Variants in TESK2 observed in about 807,000 individuals in gnomAD.
The protein encoded by TESK2 is dual specificity testis-specific protein kinase 2.
A neutral mutation model predicts 57.1 loss-of-function variants in TESK2; 39 were observed. The observed-to-expected ratio is 0.68, with a 90% CI of 0.53 to 0.89. The LOEUF (loss-of-function observed/expected upper bound fraction) is 0.89. Ranked by LOEUF, TESK2 falls within the 40% of genes least tolerant of loss-of-function variation. The pLI, the probability that TESK2 is intolerant of heterozygous loss-of-function variation, is 0.00. For synonymous variants in TESK2, 249 were observed against 267.9 expected (o/e 0.93, Z 0.69); for missense variants, 646 against 732.1 (o/e 0.88, Z 1.36).
rs749729845 is a variant in TESK2, at chr1:45,347,577, G to A, written c.708+32C>T. 71 of 1,586,690 alleles carry A rather than the reference G, an allele frequency of 4.5e-5. No homozygotes were observed. The South Asian group carries it at 7.3e-4, about 16-fold the overall frequency. ...CTCAAAAAAAAGAAAAAGAAAAAAG[G>A]AGAATCAGGCCTTGAGATCCTCCAA... On this transcript the variant is annotated intron_variant, in intron 7 of 10. Coordinates refer to ENST00000372086, the MANE Select transcript of TESK2 (RefSeq NM_007170.3).
chr1:45,402,690 C>G (rs1649677637), intron 3 of TESK2, among the ~76,000 whole-genome samples: 1 of 151,938 alleles, frequency 6.6e-6, no homozygotes, highest in Non-Finnish European at 1.5e-5. Context: ...CCATGTTGGT[C>G]AGGCTAGTCT....
At chr1:45,490,188 A>C (rs1175225739) in intron 1 of TESK2, among the ~76,000 whole-genome samples, 1 of 152,242 alleles carries the variant, frequency 6.6e-6, no homozygotes, top group Non-Finnish European at 1.5e-5. Context: ...CTCCCCATGC[A>C]TGCAGCATGA....
chr1:45,436,527 T>C (rs796571233), intron 2 of TESK2, among the ~76,000 whole-genome samples: 35 of 134,626 alleles, frequency 2.6e-4, no homozygotes, highest in African/African-American at 9.3e-4. Context: ...TTCACTCTTG[T>C]TGCCCAGGCT....
Position 45,457,663 on chromosome 1 carries a change from A to G in TESK2, c.123T>C (p.Ser41=). The change falls in exon 2 of 11, where the codon TCT becomes TCC. Residue 41 remains serine, a synonymous_variant. Coordinates refer to ENST00000372086, the MANE Select transcript of TESK2 (RefSeq NM_007170.3). ...NVSQVGRVWP[S]SYRALISAFS... ...AGGCACTTATAAGAGCTCGATACGA[A>G]GATGGCCAAACTCTTCCCACCTGGC... The G allele has an allele frequency of 6.2e-7, 1 of 1,614,158 alleles. No homozygotes were observed. The highest frequency in any genetic ancestry group is 8.5e-7 in the Non-Finnish European group (1 of 1,180,022).
At chr1:45,398,329 G>T (rs1339466885) in intron 3 of TESK2, among the ~76,000 whole-genome samples, 3 of 151,982 alleles carry the variant, frequency 2.0e-5, no homozygotes, top group Non-Finnish European at 4.4e-5. Context: ...ATCACTTGAG[G>T]TCAAGGGTTC....
chr1:45,457,512 A>G lies in TESK2; in HGVS notation c.222+52T>C, dbSNP rs1652154672. The stretch of plus-strand genomic sequence containing the variant: ...TAATTAAACACAACTATCAACCTGC[A>G]GTAAATGTGACCACAGCAAGACAAT... On this transcript the variant is annotated intron_variant, in intron 2 of 10. Coordinates refer to ENST00000372086, the MANE Select transcript of TESK2 (RefSeq NM_007170.3). 14 of 1,518,722 alleles carry G rather than the reference A, an allele frequency of 9.2e-6. No individual in the cohort carries two copies. In the South Asian group the frequency reaches 1.6e-4, roughly 17 times the overall value. 94.1% of individuals were successfully genotyped at this position (1,518,722 alleles called of 1,614,324 possible).
Position 45,345,682 on chromosome 1 carries a change from A to G in TESK2, c.998-124T>C, listed in dbSNP as rs943238001. The G allele has an allele frequency of 3.2e-5, 33 of 1,026,524 alleles. No individual in the cohort carries two copies. In the Admixed American group the frequency reaches 5.2e-4, roughly 16 times the overall value. The allele number at this position is 1,026,524 out of a possible 1,614,324, so 63.6% of individuals were successfully genotyped here. ...CCATGGCCCTGTTTTACCAATGAAG[A>G]AACAGACTCAGAGAGGGGAAGCAGT... On this transcript the variant is annotated intron_variant, in intron 10 of 10. Transcript: ENST00000372086.
At chr1:45,421,547 A>G (rs1211950014) in intron 3 of TESK2, among the ~76,000 whole-genome samples, 178 bp downstream of exon 3, 1 of 152,192 alleles carries the variant, frequency 6.6e-6, no homozygotes, top group African/African-American at 2.4e-5. Flanking sequence ...AATGCAGTTA[A>G]TTACCAATAA....
chr1:45,486,279 C>T (rs887204092), intron 1 of TESK2, among the ~76,000 whole-genome samples: 3 of 152,090 alleles, frequency 2.0e-5, no homozygotes, highest in Admixed American at 6.6e-5. Context: ...ATGCCTTTAC[C>T]ATAGGTTTCA....
At chr1:45,384,675 G>A (rs1648821458) in intron 4 of TESK2, among the ~76,000 whole-genome samples, 2 of 130,948 alleles carry the variant, frequency 1.5e-5, no homozygotes, top group South Asian at 4.8e-4. Context: ...CGAAATCCTG[G>A]TCTTAGGTAA....
At chr1:45,412,294 G>A (rs1450455702) in intron 3 of TESK2, among the ~76,000 whole-genome samples, 1 of 152,214 alleles carries the variant, frequency 6.6e-6, no homozygotes, top group African/African-American at 2.4e-5. Flanking sequence ...CTGAATTACA[G>A]CCCACATATA....
chr1:45,487,641 T>C (rs986598581), intron 1 of TESK2, among the ~76,000 whole-genome samples: 3 of 152,212 alleles, frequency 2.0e-5, no homozygotes, highest in Admixed American at 2.0e-4. Context: ...TTTTATTCTC[T>C]AAGTACACCA....
At chr1:45,383,766 G>A (rs1161651358) in intron 4 of TESK2, among the ~76,000 whole-genome samples, 2 of 152,182 alleles carry the variant, frequency 1.3e-5, no homozygotes, top group Non-Finnish European at 2.9e-5. Context: ...CTGGTAGACA[G>A]AAGGAAGGGG....
At chr1:45,453,360 A>G (rs1244912840) in intron 2 of TESK2, among the ~76,000 whole-genome samples, 2 of 151,162 alleles carry the variant, frequency 1.3e-5, no homozygotes, top group African/African-American at 2.4e-5. Flanking sequence ...AAAAAAAAAA[A>G]AAAGAGAGAG....
chr1:45,410,307 C>CA (rs1374629484), intron 3 of TESK2, among the ~76,000 whole-genome samples: 1 of 151,298 alleles, frequency 6.6e-6, no homozygotes, highest in Non-Finnish European at 1.5e-5. Flanking sequence ...TCAACAGATG[C>CA]AAAAAAACAT....
intron 4 of TESK2, among the ~76,000 whole-genome samples, chr1:45,359,857 C>T (rs1382041068): frequency 6.6e-6 from 1 of 152,040 alleles, no homozygotes; most frequent in Non-Finnish European, 1.5e-5. Flanking sequence ...GGGTGAGACT[C>T]TGTCTCAAAA....
Position 45,421,709 on chromosome 1 carries a change from A to C in TESK2, c.344+16T>G, listed in dbSNP as rs768989666. ...TTCAGTTTTCTCATTGATCAGAAGG[A>C]AGGAAAAGCCATTACCTAAGGATGT... is the stretch of plus-strand genomic sequence containing the variant. On this transcript the variant is annotated intron_variant, in intron 3 of 10. Transcript: ENST00000372086. 1 of 1,613,790 alleles carries C rather than the reference A, an allele frequency of 6.2e-7. No homozygotes were observed. Among genetic ancestry groups the C allele is most frequent in the East Asian group, 2.2e-5 (1 of 44,846 alleles).
intron 2 of TESK2, among the ~76,000 whole-genome samples, chr1:45,431,706 A>G (rs1344190450): frequency 6.6e-6 from 1 of 152,200 alleles, no homozygotes; most frequent in Admixed American, 6.5e-5. Flanking sequence ...GGGTCAGAGA[A>G]GGATTCCCAG....
chr1:45,374,480 A>C (rs948420825), intron 4 of TESK2, among the ~76,000 whole-genome samples: 2 of 152,122 alleles, frequency 1.3e-5, no homozygotes, highest in African/African-American at 4.8e-5. Context: ...ATTTCATAGG[A>C]TTGCATGCTA....
Sources: gnomAD v4.1 joint callset for allele counts (sites outside exome capture counted in the v4.1 genomes callset) on GRCh38, gnomAD v4.1.1 for gene constraint, MANE v1.5 for transcripts, NCBI Gene and HGNC (gene_info 2026-07-23, HGNC 2026-07-21) for gene names.